STK32B: variants seen among roughly 807,000 people sequenced by gnomAD.
STK32B encodes the protein serine/threonine-protein kinase 32B.
Under a neutral mutation model 52.6 loss-of-function variants are expected in STK32B, and 43 were observed. That is an observed-to-expected ratio of 0.82 (90% CI 0.64 to 1.05). STK32B has a LOEUF of 1.05. Among genes scored for constraint, STK32B ranks in the 50% least tolerant of loss-of-function variants. The pLI is 0.00. For missense variants in STK32B, 621 were observed against 534.6 expected, an observed-to-expected ratio of 1.16 and a Z score of -1.59; for synonymous variants, 238 against 204.3, an observed-to-expected ratio of 1.17 and a Z score of -1.41.
chr4:5,252,399 C>G (rs1446399679), intron 3 of STK32B, among the ~76,000 whole-genome samples: 1 of 152,128 alleles, frequency 6.6e-6, no homozygotes, highest in Non-Finnish European at 1.5e-5. Context: ...GCACAATGTC[C>G]CATTAGTTGT....
At chr4:5,094,513 G>A (rs1459396609) in intron 1 of STK32B, among the ~76,000 whole-genome samples, 1 of 152,064 alleles carries the variant, frequency 6.6e-6, no homozygotes, top group Non-Finnish European at 1.5e-5. Context: ...AACTAGGTGG[G>A]CATGGTGGTG....
At chr4:5,291,783 GT>G (rs559054953) in intron 3 of STK32B, among the ~76,000 whole-genome samples, 281 of 152,072 alleles carry the variant, frequency 1.8e-3, no homozygotes, top group African/African-American at 6.3e-3. Flanking sequence ...GGTTGGGTTT[GT>G]TTTTGTTTTT....
intron 1 of STK32B, among the ~76,000 whole-genome samples, chr4:5,122,166 A>C (rs60614576): frequency 6.6e-6 from 1 of 151,882 alleles, no homozygotes; most frequent in Non-Finnish European, 1.5e-5. Context: ...TCATTCACTT[A>C]TTCACTTCTT....
chr4:5,250,586 T>G (rs555588751), intron 3 of STK32B, among the ~76,000 whole-genome samples: 54 of 152,310 alleles, frequency 3.5e-4, no homozygotes, highest in Admixed American at 2.0e-3. Context: ...GTGCTAGGAT[T>G]ACAGGCGTGA....
At chr4:5,082,209 C>T (rs1560142018) in intron 1 of STK32B, among the ~76,000 whole-genome samples, 4 of 152,126 alleles carry the variant, frequency 2.6e-5, no homozygotes, top group African/African-American at 9.6e-5. Context: ...CATTTGTTGT[C>T]CCGAAGGAGG....
intron 4 of STK32B, among the ~76,000 whole-genome samples, chr4:5,333,666 A>G (rs1207563340): frequency 6.6e-6 from 1 of 152,208 alleles, no homozygotes; most frequent in African/African-American, 2.4e-5. Flanking sequence ...AGGTGTAAGG[A>G]AGGGATCCAG....
intron 1 of STK32B, among the ~76,000 whole-genome samples, chr4:5,109,313 A>G (rs1310863916): frequency 6.6e-6 from 1 of 152,226 alleles, no homozygotes; most frequent in Non-Finnish European, 1.5e-5. Context: ...TATTCATCCA[A>G]TATTTATTGA....
chr4:5,211,887 G>A (rs1722927805), intron 3 of STK32B, among the ~76,000 whole-genome samples: 1 of 152,096 alleles, frequency 6.6e-6, no homozygotes, highest in African/African-American at 2.4e-5. Flanking sequence ...CAGTAAATGG[G>A]GCTTTTATAG....
intron 1 of STK32B, among the ~76,000 whole-genome samples, chr4:5,077,639 C>G (rs549250371): frequency 6.6e-6 from 1 of 152,236 alleles, no homozygotes; most frequent in East Asian, 1.9e-4. Context: ...CTCAAAATAC[C>G]TCTTACCTAT....
intron 4 of STK32B, among the ~76,000 whole-genome samples, chr4:5,337,571 C>T (rs1379860941): frequency 6.6e-6 from 1 of 152,076 alleles, no homozygotes; most frequent in Non-Finnish European, 1.5e-5. Flanking sequence ...ATACCATGAC[C>T]AGTTCTGATT....
At chr4:5,218,341 C>T (rs1723309339) in intron 3 of STK32B, among the ~76,000 whole-genome samples, 2 of 152,122 alleles carry the variant, frequency 1.3e-5, no homozygotes, top group South Asian at 4.1e-4. Flanking sequence ...AGCAAGTAGC[C>T]TATTTAGGAA....
intron 11 of STK32B, among the ~76,000 whole-genome samples, chr4:5,498,126 G>A (rs1174894863): frequency 6.6e-6 from 1 of 152,202 alleles, no homozygotes; most frequent in Non-Finnish European, 1.5e-5. Context: ...AGTGTTGAGA[G>A]CCAGGATGTG....
At chr4:5,420,025 C>G (rs1347038177) in intron 6 of STK32B, among the ~76,000 whole-genome samples, 1 of 152,134 alleles carries the variant, frequency 6.6e-6, no homozygotes, top group East Asian at 1.9e-4. Flanking sequence ...TTAACTATAA[C>G]CTATAACTTC....
chr4:5,493,225 G>C lies in STK32B; in HGVS notation c.1107-5720G>C, dbSNP rs556802507. On this transcript the variant is annotated intron_variant, in intron 11 of 11. Coordinates refer to ENST00000282908, the MANE Select transcript of STK32B (RefSeq NM_018401.3). ...ATCTGGTCCTGGACTCTTTTTTCTT[G>C]GTAAGCTATTGATTATTGCCACAAT... Among the ~76,000 whole-genome samples, 72 of 152,082 alleles carry C rather than the reference G, an allele frequency of 4.7e-4. 1 individual carries two copies. Among genetic ancestry groups the C allele is most frequent in the Middle Eastern group, 3.4e-3 (1 of 294 alleles).
Position 5,336,135 on chromosome 4 carries a change from A to C in STK32B, c.434+4742A>C, listed in dbSNP as rs28649918. Reference sequence around the variant, plus strand: ...ACAATGGCAATGTTATCTGAACATAATCATACTAGATGCTGAAATGACACC... The same window carrying C: ...ACAATGGCAATGTTATCTGAACATACTCATACTAGATGCTGAAATGACACC... On this transcript the variant is annotated intron_variant, in intron 4 of 11. Transcript: ENST00000282908. Among the ~76,000 whole-genome samples, 6 of 144,966 alleles carry C rather than the reference A, an allele frequency of 4.1e-5. 1 individual carries two copies. The highest frequency in any genetic ancestry group is 1.6e-4 in the African/African-American group (6 of 38,294).
chr4:5,257,360 T>C (rs1726391507), intron 3 of STK32B, among the ~76,000 whole-genome samples: 1 of 152,094 alleles, frequency 6.6e-6, no homozygotes, highest in Admixed American at 6.6e-5. Context: ...GGTGAGTGAA[T>C]GAGTAAGTGA....
chr4:5,440,619 T>G (rs1714638571), intron 6 of STK32B, among the ~76,000 whole-genome samples: 1 of 152,246 alleles, frequency 6.6e-6, no homozygotes, highest in Admixed American at 6.5e-5. Context: ...CTAATTACCC[T>G]GGCCAGAACC....
rs564976835 is a variant in STK32B, at chr4:5,379,102, T to C, written c.435-19105T>C. Reference sequence around the variant, plus strand: ...GCCCTGAATGAGGCTGCCCCCTCCCTACCTGTTGGTCAGTGATAATGATGA... The same window carrying C: ...GCCCTGAATGAGGCTGCCCCCTCCCCACCTGTTGGTCAGTGATAATGATGA... On this transcript the variant is annotated intron_variant, in intron 4 of 11. Coordinates refer to ENST00000282908, the MANE Select transcript of STK32B (RefSeq NM_018401.3). Among the ~76,000 whole-genome samples the C allele has an allele frequency of 4.6e-5, 7 of 152,288 alleles. No individual in the cohort carries two copies. The South Asian group carries it at 1.5e-3, about 32-fold the overall frequency.
intron 3 of STK32B, among the ~76,000 whole-genome samples, chr4:5,289,578 C>A (rs967860511): frequency 1.3e-5 from 2 of 151,692 alleles, no homozygotes; most frequent in African/African-American, 4.8e-5. Flanking sequence ...CTCTTTACAC[C>A]CAACAAAATG....
Sources: gnomAD v4.1 joint callset for allele counts (sites outside exome capture counted in the v4.1 genomes callset) on GRCh38, gnomAD v4.1.1 for gene constraint, MANE v1.5 for transcripts, NCBI Gene and HGNC (gene_info 2026-07-23, HGNC 2026-07-21) for gene names.